CEP85L: variants seen among roughly 807,000 people sequenced by gnomAD.
CEP85L encodes the protein centrosomal protein 85L.
CEP85L carries 60 observed loss-of-function variants against 100.3 expected under a neutral mutation model. The observed-to-expected ratio is 0.60, with a 90% CI of 0.49 to 0.74. CEP85L has a LOEUF of 0.74. Ranked by LOEUF, CEP85L falls within the 30% of genes least tolerant of loss-of-function variation. The pLI, the probability that CEP85L is intolerant of heterozygous loss-of-function variation, is 0.00. For synonymous variants in CEP85L, 319 were observed against 322.7 expected, an observed-to-expected ratio of 0.99 and a Z score of 0.12; for missense variants, 973 against 936.2, an observed-to-expected ratio of 1.04 and a Z score of -0.51.
At chr6:118,563,630 T>C (rs1779343929) in intron 3 of CEP85L, among the ~76,000 whole-genome samples, 1 of 152,158 alleles carries the variant, frequency 6.6e-6, no homozygotes, top group Admixed American at 6.5e-5. Context: ...CTTTTTTCCT[T>C]TTTAGAGACG....
chr6:118,689,073 T>C (rs1469104305), intron 1 of CEP85L, among the ~76,000 whole-genome samples: 1 of 152,250 alleles, frequency 6.6e-6, no homozygotes, highest in Non-Finnish European at 1.5e-5. Context: ...AACACCTTCT[T>C]GTACTGACTT....
At chr6:118,559,482 G>C (rs1660951306) in intron 3 of CEP85L, 1 of 232,644 alleles carries the variant, frequency 4.3e-6, no homozygotes, top group Non-Finnish European at 9.3e-6. Flanking sequence ...CAATGTAAAA[G>C]CTTCTTTAAT....
At chr6:118,624,389 T>G (rs1054625687) in intron 2 of CEP85L, among the ~76,000 whole-genome samples, 1 of 152,058 alleles carries the variant, frequency 6.6e-6, no homozygotes, top group Non-Finnish European at 1.5e-5. Flanking sequence ...TTTTAACAAT[T>G]TACTCCTTCT....
At chr6:118,662,561 G>A (rs9320662) in intron 1 of CEP85L, among the ~76,000 whole-genome samples, 4,380 of 151,498 alleles carry the variant, frequency 0.029, 101 homozygotes, top group African/African-American at 0.056. Flanking sequence ...AATAGTATGA[G>A]TTATTATTAT....
intron 2 of CEP85L, among the ~76,000 whole-genome samples, chr6:118,599,510 A>G (rs994921953): frequency 6.6e-6 from 1 of 152,252 alleles, no homozygotes; most frequent in African/African-American, 2.4e-5. Flanking sequence ...AATCATATAT[A>G]TAAGTATTTA....
At chr6:118,486,473 A>T (rs1195866612) in intron 6 of CEP85L, among the ~76,000 whole-genome samples, 2 of 152,224 alleles carry the variant, frequency 1.3e-5, no homozygotes, top group African/African-American at 4.8e-5. Flanking sequence ...CATTATTATT[A>T]CCACATTGTT....
intron 3 of CEP85L, among the ~76,000 whole-genome samples, chr6:118,529,730 G>T (rs1040751956): frequency 6.6e-6 from 1 of 151,336 alleles, no homozygotes; most frequent in Non-Finnish European, 1.5e-5. Flanking sequence ...TGATGCCATA[G>T]CAACTTTGAG....
intron 1 of CEP85L, among the ~76,000 whole-genome samples, chr6:118,647,495 G>T (rs1358989704): frequency 6.6e-6 from 1 of 152,122 alleles, no homozygotes; most frequent in Non-Finnish European, 1.5e-5. Flanking sequence ...CTGAGTAGCT[G>T]GGATTACAGG....
At chr6:118,510,293 T>C (rs996788183) in intron 5 of CEP85L, among the ~76,000 whole-genome samples, 1 of 151,792 alleles carries the variant, frequency 6.6e-6, no homozygotes. Flanking sequence ...AAACAAAATA[T>C]TGAGACAAAA....
chr6:118,598,233 T>C (rs1275799823), intron 2 of CEP85L, among the ~76,000 whole-genome samples: 1 of 152,232 alleles, frequency 6.6e-6, no homozygotes, highest in Non-Finnish European at 1.5e-5. Context: ...TTTAAAAAGA[T>C]CTCCACGCAC....
At chr6:118,514,021 A>G (rs1197678218) in intron 4 of CEP85L, among the ~76,000 whole-genome samples, 1 of 152,222 alleles carries the variant, frequency 6.6e-6, no homozygotes, top group Non-Finnish European at 1.5e-5. Flanking sequence ...ACTATGCTTT[A>G]TAAGATTCTT....
chr6:118,529,343 T>C (rs1245251064), intron 3 of CEP85L, among the ~76,000 whole-genome samples: 3 of 152,060 alleles, frequency 2.0e-5, no homozygotes, highest in Non-Finnish European at 4.4e-5. Context: ...CATGGTGGCT[T>C]GTGCCTGTAA....
At chr6:118,553,176 G>A (rs948929863) in intron 3 of CEP85L, among the ~76,000 whole-genome samples, 7 of 143,778 alleles carry the variant, frequency 4.9e-5, no homozygotes, top group Non-Finnish European at 4.5e-5. Flanking sequence ...GCTTTCCATC[G>A]AAAAAGTACT....
At chr6:118,480,560 A>AT in intron 8 of CEP85L, 47 bp from the exon 9 acceptor site, 1 of 1,190,352 alleles carries the variant, frequency 8.4e-7, no homozygotes, top group East Asian at 2.4e-5. Flanking sequence ...CTATTTGCTG[A>AT]TTTTGGTAAT....
At chr6:118,517,911 T>A (rs1290860169) in intron 4 of CEP85L, among the ~76,000 whole-genome samples, 4 of 152,244 alleles carry the variant, frequency 2.6e-5, no homozygotes, top group African/African-American at 4.8e-5. Flanking sequence ...ATACACTGCA[T>A]CAATACCTAG....
chr6:118,493,510 A>G (rs900286612), intron 5 of CEP85L, among the ~76,000 whole-genome samples: 3 of 152,206 alleles, frequency 2.0e-5, no homozygotes, highest in African/African-American at 7.2e-5. Flanking sequence ...GAGAATGAAT[A>G]TGGATGTTAT....
chr6:118,557,777 T>C (rs1778964142), intron 3 of CEP85L, among the ~76,000 whole-genome samples: 3 of 152,126 alleles, frequency 2.0e-5, no homozygotes, highest in Admixed American at 2.0e-4. Context: ...TACAAATGCA[T>C]GACAATAAAC....
chr6:118,544,730 C>G (rs1041322165), intron 3 of CEP85L, among the ~76,000 whole-genome samples: 4 of 152,144 alleles, frequency 2.6e-5, no homozygotes, highest in Non-Finnish European at 5.9e-5. Context: ...TCTGGCAAAT[C>G]AAGTGAAAAG....
intron 2 of CEP85L, among the ~76,000 whole-genome samples, chr6:118,590,185 C>T (rs776567820): frequency 6.6e-5 from 10 of 152,120 alleles, no homozygotes; most frequent in Admixed American, 1.3e-4. Flanking sequence ...CTGCTGCAAA[C>T]TCCCCTCATC....
Sources: allele counts gnomAD v4.1 joint callset (sites outside exome capture counted in the v4.1 genomes callset), GRCh38; gene constraint gnomAD v4.1.1; transcripts MANE v1.5; gene names NCBI Gene and HGNC (gene_info 2026-07-23, HGNC 2026-07-21).